The following TMPRSS12 variants were observed in gnomAD, a reference collection of about 807,000 sequenced individuals.
The protein encoded by TMPRSS12 is transmembrane protease serine 12.
In TMPRSS12, 25 loss-of-function variants were observed where a neutral mutation model predicts 26.0. That is an observed-to-expected ratio of 0.96 (90% CI 0.70 to 1.34). TMPRSS12 has a LOEUF of 1.34. TMPRSS12 is among the 40% of genes most tolerant of loss of function. TMPRSS12 has a pLI of 0.00. For synonymous variants in TMPRSS12, 150 were observed against 161.7 expected, an observed-to-expected ratio of 0.93 and a Z score of 0.55; for missense variants, 441 against 440.1, an observed-to-expected ratio of 1.00 and a Z score of -0.02.
chr12:50,885,610 T>TCTGCTG, intron 4 of TMPRSS12: 1 of 625,626 alleles, frequency 1.6e-6, no homozygotes, highest in Non-Finnish European at 2.8e-6. Flanking sequence ...ATTCTTTTTT[T>TCTGCTG]TAATCATTAC....
chr12:50,884,700 C>T (rs1214330751), intron 3 of TMPRSS12, among the ~76,000 whole-genome samples: 2 of 151,806 alleles, frequency 1.3e-5, no homozygotes, highest in East Asian at 3.9e-4. Context: ...GGTGAAACCC[C>T]ATCTCTACTA....
At position 50,859,025 on chromosome 12, in the gene TMPRSS12, A is replaced by G; in HGVS notation, c.624A>G (p.Ile208Met). Reference protein sequence around the residue: ...QILDGNTKCFISGWGRTKEEG... With the variant: ...QILDGNTKCFMSGWGRTKEEG... Reference sequence around the variant, plus strand: ...TGGACGGAAACACAAAGTGTTTTATAAGTGGCTGGGGAAGAACAAAAGAAG... The same window carrying G: ...TGGACGGAAACACAAAGTGTTTTATGAGTGGCTGGGGAAGAACAAAAGAAG... The change falls in exon 3 of 5, where the codon ATA becomes ATG. Residue 208 changes from isoleucine (I) to methionine (M), a missense_variant. Coordinates refer to ENST00000398458, the MANE Select transcript of TMPRSS12 (RefSeq NM_182559.3). 6.3e-7 allele frequency: 1 copy of G among 1,599,560 alleles called. No homozygotes were observed. The highest frequency in any genetic ancestry group is 1.7e-4 in the Middle Eastern group (1 of 6,014).
Position 50,843,023 on chromosome 12 carries a change from C to G in TMPRSS12, c.59C>G (p.Ser20Ter), listed in dbSNP as rs202193246. 944 of 1,606,514 alleles carry G rather than the reference C, an allele frequency of 5.9e-4. 1 individual carries two copies. The highest frequency in any genetic ancestry group is 7.4e-4 in the Non-Finnish European group (869 of 1,176,864). ...TTTGTGGGGAGCTCTCACTTATACTCAGACCACTACTCGCCCTCTGGAAGG... is the reference window on the plus strand; with the variant it reads ...TTTGTGGGGAGCTCTCACTTATACTGAGACCACTACTCGCCCTCTGGAAGG... ...LLFVGSSHLY[S>*]DHYSPSGRHR... The change falls in exon 1 of 5, where the codon TCA becomes TGA. Residue 20 changes from serine (S) to a stop codon, truncating the protein, a stop_gained. Transcript: ENST00000398458. LOFTEE classifies it high-confidence loss of function.
intron 3 of TMPRSS12, among the ~76,000 whole-genome samples, chr12:50,862,493 C>T (rs983940985): frequency 6.6e-6 from 1 of 151,872 alleles, no homozygotes; most frequent in African/African-American, 2.4e-5. Context: ...CATGGCTATA[C>T]TTTAAAAATG....
intron 3 of TMPRSS12, among the ~76,000 whole-genome samples, chr12:50,882,535 A>G (rs1376883089): frequency 6.6e-6 from 1 of 152,106 alleles, no homozygotes; most frequent in Admixed American, 6.5e-5. Context: ...GACTGGTGAC[A>G]AAAGGAAAGA....
At chr12:50,879,241 ATTG>A (rs1938141867) in intron 3 of TMPRSS12, among the ~76,000 whole-genome samples, 1 of 152,226 alleles carries the variant, frequency 6.6e-6, no homozygotes, top group South Asian at 2.1e-4. Context: ...TCCTTGAGTC[ATTG>A]GATTAGGCGA....
At chr12:50,866,920 T>C (rs1239211732) in intron 3 of TMPRSS12, among the ~76,000 whole-genome samples, 1 of 152,078 alleles carries the variant, frequency 6.6e-6, no homozygotes, top group Non-Finnish European at 1.5e-5. Flanking sequence ...GCCACATCCA[T>C]AAGAAAGGTG....
intron 3 of TMPRSS12, among the ~76,000 whole-genome samples, chr12:50,864,012 A>C (rs934600459): frequency 6.6e-6 from 1 of 152,192 alleles, no homozygotes; most frequent in African/African-American, 2.4e-5. Flanking sequence ...AATGAACCAC[A>C]TATAACCAAC....
At chr12:50,850,006 G>A (rs1399986736) in intron 2 of TMPRSS12, among the ~76,000 whole-genome samples, 1 of 151,310 alleles carries the variant, frequency 6.6e-6, no homozygotes, top group East Asian at 1.9e-4. Flanking sequence ...ATATGGTATG[G>A]AGCCTTATGA....
chr12:50,861,842 G>T (rs1281970901), intron 3 of TMPRSS12, among the ~76,000 whole-genome samples: 7 of 145,660 alleles, frequency 4.8e-5, no homozygotes, highest in Non-Finnish European at 8.9e-5. Context: ...AGGGAGTCTT[G>T]CTCTGTCTCC....
At chr12:50,856,350 G>A (rs192504525) in intron 2 of TMPRSS12, among the ~76,000 whole-genome samples, 146 of 152,214 alleles carry the variant, frequency 9.6e-4, no homozygotes, top group Non-Finnish European at 1.4e-3. Context: ...ATGCCAGCAC[G>A]ATGGTTCCTG....
intron 2 of TMPRSS12, among the ~76,000 whole-genome samples, chr12:50,857,799 T>TGTTGTTGTC (rs762661929): frequency 6.7e-6 from 1 of 149,952 alleles, no homozygotes; most frequent in African/African-American, 2.5e-5. Context: ...TTGTTGTTGT[T>TGTTGTTGTC]GTTGTTGTCG....
intron 3 of TMPRSS12, among the ~76,000 whole-genome samples, chr12:50,861,021 G>C (rs766895846): frequency 2.0e-5 from 3 of 152,110 alleles, no homozygotes; most frequent in South Asian, 4.1e-4. Flanking sequence ...TGGGTTTATA[G>C]GCATGAGCAC....
In TMPRSS12 at chr12:50,882,865, C is replaced by G. The variant is rs1265403221; in HGVS notation, c.653-2381C>G. On this transcript the variant is annotated intron_variant, in intron 3 of 4. Transcript: ENST00000398458. ...AGATCATCTAAATCCTATACATACGCTTCCAAAGAATACAAAAGGAAGGAA... is the reference window on the plus strand; with the variant it reads ...AGATCATCTAAATCCTATACATACGGTTCCAAAGAATACAAAAGGAAGGAA... 2.0e-5 allele frequency among the ~76,000 whole-genome samples: 3 copies of G among 152,138 alleles called. 1 individual carries two copies. Among genetic ancestry groups the G allele is most frequent in the Admixed American group, 2.0e-4 (3 of 15,280 alleles).
chr12:50,885,066 A>T (rs548781454), intron 3 of TMPRSS12, among the ~76,000 whole-genome samples, 180 bp from the exon 4 acceptor site: 1 of 152,218 alleles, frequency 6.6e-6, no homozygotes, highest in Non-Finnish European at 1.5e-5. Context: ...ACAAACATTT[A>T]GGTAAACATT....
Position 50,842,930 on chromosome 12 carries a change from A to C in TMPRSS12, c.-35A>C. The C allele has an allele frequency of 1.3e-6, 2 of 1,533,342 alleles. No individual in the cohort carries two copies. Among genetic ancestry groups the C allele is most frequent in the Non-Finnish European group, 1.8e-6 (2 of 1,134,676 alleles). 95.0% of individuals were successfully genotyped at this position (1,533,342 alleles called of 1,614,324 possible). A position where few individuals can be genotyped will look rare whatever the true frequency, so the allele number is the denominator to read the frequency against. Reference sequence around the variant, plus strand: ...CCCCGCGTGCCCAGGGCGGGTGGGAAGTACCTGCCGCCATCTTGCTCACCA... The same window carrying C: ...CCCCGCGTGCCCAGGGCGGGTGGGACGTACCTGCCGCCATCTTGCTCACCA... On this transcript the variant is annotated 5_prime_UTR_variant, in exon 1 of 5. Transcript: ENST00000398458.
intron 3 of TMPRSS12, among the ~76,000 whole-genome samples, chr12:50,860,606 G>A (rs1937925596): frequency 6.6e-6 from 1 of 151,424 alleles, no homozygotes; most frequent in African/African-American, 2.4e-5. Context: ...TGTATGTATA[G>A]ATGTATGTTT....
At chr12:50,882,270 C>G (rs1592225757) in intron 3 of TMPRSS12, among the ~76,000 whole-genome samples, 1 of 106,370 alleles carries the variant, frequency 9.4e-6, no homozygotes, top group East Asian at 2.6e-4. Flanking sequence ...GGCAACAGAG[C>G]AAGACCCCAT....
rs55702806 is a variant in TMPRSS12, at chr12:50,870,851, CAAA to C, written c.652+11811_652+11813del. Among the ~76,000 whole-genome samples the C allele has an allele frequency of 7.8e-3, 1,082 of 138,700 alleles. 5 individuals carry two copies. Among genetic ancestry groups the C allele is most frequent in the Non-Finnish European group, 0.011 (744 of 64,732 alleles). The allele number at this position is 138,700 out of a possible 152,430, so 91.0% of individuals were successfully genotyped here. ...AACTCAACCCTTTTCATGATAGTTG[CAAA>C]AAAAAAAAAAAATACTTAGGAATAT... On this transcript the variant is annotated intron_variant, in intron 3 of 4. Transcript: ENST00000398458.
Sources: allele counts gnomAD v4.1 joint callset (sites outside exome capture counted in the v4.1 genomes callset), GRCh38; gene constraint gnomAD v4.1.1; transcripts MANE v1.5; gene names NCBI Gene and HGNC (gene_info 2026-07-23, HGNC 2026-07-21).